The following CSMD1 variants were observed in gnomAD, a reference collection of about 807,000 sequenced individuals.
CSMD1 encodes CUB and sushi domain-containing protein 1.
In CSMD1, 213 loss-of-function variants were observed where a neutral mutation model predicts 417.5. The observed-to-expected ratio is 0.51, with a 90% CI of 0.46 to 0.57. The LOEUF is 0.57. Ranked by LOEUF, CSMD1 falls within the 20% of genes least tolerant of loss-of-function variation. The pLI is 0.00. For missense variants in CSMD1, 6,923 were observed against 4,529.7 expected (o/e 1.53, Z -15.17); for synonymous variants, 2,862 against 1,736.8 (o/e 1.65, Z -16.11).
At chr8:4,804,433 C>T (rs1798475264) in intron 1 of CSMD1, among the ~76,000 whole-genome samples, 1 of 151,514 alleles carries the variant, frequency 6.6e-6, no homozygotes, top group Admixed American at 6.6e-5. Flanking sequence ...AATAAATTGC[C>T]AGTCATATAC....
intron 5 of CSMD1, among the ~76,000 whole-genome samples, chr8:3,921,850 A>G (rs2912269): frequency 0.47 from 71,076 of 151,926 alleles, 16,986 homozygotes; most frequent in East Asian, 0.72. Context: ...AGAAAAATGT[A>G]TATGCTGCTG....
intron 1 of CSMD1, among the ~76,000 whole-genome samples, chr8:4,710,517 G>A (rs944156513): frequency 6.7e-6 from 1 of 149,336 alleles, no homozygotes; most frequent in Non-Finnish European, 1.5e-5. Context: ...TTGAGTAAGT[G>A]TGCCAGGAGA....
chr8:3,318,794 A>C (rs555037793), intron 23 of CSMD1, among the ~76,000 whole-genome samples: 53 of 152,274 alleles, frequency 3.5e-4, no homozygotes, highest in Non-Finnish European at 5.6e-4. Context: ...AGGGCAGCCC[A>C]CACACACAGA....
chr8:4,373,481 C>G (rs895463994), intron 3 of CSMD1, among the ~76,000 whole-genome samples: 1 of 152,186 alleles, frequency 6.6e-6, no homozygotes, highest in African/African-American at 2.4e-5. Flanking sequence ...AAATCTAAAA[C>G]TGTCCTAAAA....
chr8:4,299,866 T>A (rs1797886895), intron 3 of CSMD1, among the ~76,000 whole-genome samples: 1 of 152,112 alleles, frequency 6.6e-6, no homozygotes, highest in Non-Finnish European at 1.5e-5. Flanking sequence ...CCTGACTTCA[T>A]GATCTGCCCA....
At chr8:4,429,790 A>T (rs1272356065) in intron 2 of CSMD1, among the ~76,000 whole-genome samples, 1 of 152,150 alleles carries the variant, frequency 6.6e-6, no homozygotes, top group Non-Finnish European at 1.5e-5. Context: ...GTTGAAATAT[A>T]CCGGCAATCC....
At chr8:3,272,883 A>G (rs1175511941) in intron 26 of CSMD1, among the ~76,000 whole-genome samples, 6 of 149,940 alleles carry the variant, frequency 4.0e-5, no homozygotes, top group African/African-American at 9.9e-5. Flanking sequence ...GCAAACAGGG[A>G]CAATTTGACT....
At chr8:4,689,466 T>A (rs1806616090) in intron 1 of CSMD1, among the ~76,000 whole-genome samples, 1 of 151,978 alleles carries the variant, frequency 6.6e-6, no homozygotes, top group Non-Finnish European at 1.5e-5. Flanking sequence ...GAAGGATTTG[T>A]GGGGAAAAAA....
intron 7 of CSMD1, among the ~76,000 whole-genome samples, chr8:3,627,909 A>G (rs1030879934): frequency 6.6e-6 from 1 of 152,186 alleles, no homozygotes; most frequent in Non-Finnish European, 1.5e-5. Context: ...CTTTAAGGAG[A>G]TAATATTCAT....
intron 19 of CSMD1, among the ~76,000 whole-genome samples, chr8:3,368,598 C>G (rs117628209): frequency 0.02 from 3,114 of 152,246 alleles, 60 homozygotes; most frequent in East Asian, 0.08. Flanking sequence ...CTTGGCCTCC[C>G]GAACTGCTGG....
At chr8:4,096,995 T>TA (rs1801047732) in intron 3 of CSMD1, among the ~76,000 whole-genome samples, 1 of 152,194 alleles carries the variant, frequency 6.6e-6, no homozygotes, top group South Asian at 2.1e-4. Context: ...TGGGCAGAGA[T>TA]AAAATCTTTG....
chr8:4,543,961 C>A (rs1191179686), intron 2 of CSMD1, among the ~76,000 whole-genome samples: 1 of 152,188 alleles, frequency 6.6e-6, no homozygotes, highest in Middle Eastern at 3.4e-3. Context: ...AGGTCTTTAG[C>A]CCATTTATTA....
At chr8:3,652,215 G>A (rs538507079) in intron 7 of CSMD1, among the ~76,000 whole-genome samples, 6 of 148,126 alleles carry the variant, frequency 4.1e-5, no homozygotes, top group South Asian at 2.2e-4. Context: ...ACCACCATCA[G>A]AGCGCCATCA....
chr8:4,283,067 GT>G (rs1031859766), intron 3 of CSMD1, among the ~76,000 whole-genome samples: 3 of 152,190 alleles, frequency 2.0e-5, no homozygotes, highest in African/African-American at 7.2e-5. Flanking sequence ...GAAACAGACT[GT>G]TTTTAAGGTC....
intron 5 of CSMD1, among the ~76,000 whole-genome samples, chr8:3,821,696 T>G (rs1338923306): frequency 1.3e-5 from 2 of 152,134 alleles, no homozygotes; most frequent in African/African-American, 4.8e-5. Flanking sequence ...GCAAGAGAAC[T>G]GCTTGAACCC....
chr8:4,276,785 A>C (rs1796513002), intron 3 of CSMD1, among the ~76,000 whole-genome samples: 3 of 152,288 alleles, frequency 2.0e-5, no homozygotes, highest in Middle Eastern at 6.8e-3. Flanking sequence ...CAGGGGAAAG[A>C]AAAATAGAAC....
Position 4,848,154 on chromosome 8 carries a change from C to T in CSMD1, c.85+146178G>A, listed in dbSNP as rs114474902. 2.3e-3 allele frequency among the ~76,000 whole-genome samples: 347 copies of T among 152,292 alleles called. 2 individuals are homozygous for T. The highest frequency in any genetic ancestry group is 8.0e-3 in the African/African-American group (334 of 41,566). On this transcript the variant is annotated intron_variant, in intron 1 of 69. Transcript: ENST00000635120. ...CATGCTGCAGCATGTATTAGTACTT[C>T]ATTCTTGGTCTGGCTGAATAATATT...
intron 3 of CSMD1, among the ~76,000 whole-genome samples, chr8:4,352,622 G>C (rs186017690): frequency 3.3e-5 from 5 of 152,178 alleles, no homozygotes; most frequent in Non-Finnish European, 5.9e-5. Flanking sequence ...TTTGCCCCGA[G>C]TGACACCGAG....
chr8:4,544,189 A>C (rs552359272), intron 2 of CSMD1, among the ~76,000 whole-genome samples: 36 of 152,240 alleles, frequency 2.4e-4, no homozygotes, highest in Non-Finnish European at 4.3e-4. Flanking sequence ...AACCATTGCC[A>C]AACCTAAAGC....
Sources: allele counts gnomAD v4.1 joint callset (sites outside exome capture counted in the v4.1 genomes callset), GRCh38; gene constraint gnomAD v4.1.1; transcripts MANE v1.5; gene names NCBI Gene and HGNC (gene_info 2026-07-23, HGNC 2026-07-21).